Variants in TRIM33 observed in about 807,000 individuals in gnomAD.
TRIM33 encodes the protein E3 ubiquitin-protein ligase TRIM33.
TRIM33 carries 20 observed loss-of-function variants against 125.4 expected under a neutral mutation model. That is an observed-to-expected ratio of 0.16 (90% CI 0.11 to 0.23). The LOEUF (loss-of-function observed/expected upper bound fraction) is 0.23. TRIM33 is among the 10% of genes least tolerant of loss of function. The pLI is 1.00. For missense variants in TRIM33, 920 were observed against 1,411.4 expected, an observed-to-expected ratio of 0.65 and a Z score of 5.58; for synonymous variants, 564 against 513.9, an observed-to-expected ratio of 1.10 and a Z score of -1.32.
chr1:114,492,360 T>A lies in TRIM33; in HGVS notation c.526+18191A>T, dbSNP rs1006096777. On this transcript the variant is annotated intron_variant, in intron 1 of 19. Coordinates refer to ENST00000358465, the MANE Select transcript of TRIM33 (RefSeq NM_015906.4). ...TTTATTGTGGTATATACATATAACA[T>A]AAAATTTGCCATTTGAACTATTATG... Among the ~76,000 whole-genome samples the A allele has an allele frequency of 6.6e-5, 10 of 152,338 alleles. No individual in the cohort carries two copies. In the South Asian group the frequency reaches 1.7e-3, roughly 25 times the overall value.
At chr1:114,503,650 C>G (rs1652834194) in intron 1 of TRIM33, among the ~76,000 whole-genome samples, 2 of 152,194 alleles carry the variant, frequency 1.3e-5, no homozygotes, top group Admixed American at 1.3e-4. Context: ...CCACCAATCT[C>G]TTCAGGAAAG....
intron 1 of TRIM33, among the ~76,000 whole-genome samples, chr1:114,507,434 G>A (rs1413328656): frequency 1.3e-5 from 2 of 152,228 alleles, no homozygotes; most frequent in African/African-American, 4.8e-5. Flanking sequence ...CAGTTAGGCA[G>A]GAGGGCATTA....
At chr1:114,488,744 C>T (rs1261770272) in intron 1 of TRIM33, among the ~76,000 whole-genome samples, 1 of 152,134 alleles carries the variant, frequency 6.6e-6, no homozygotes, top group African/African-American at 2.4e-5. Context: ...ACCTGGGCAA[C>T]AGAGCAAGAT....
chr1:114,422,573 TCCTC>T (rs1647270850), intron 10 of TRIM33, among the ~76,000 whole-genome samples: 1 of 151,900 alleles, frequency 6.6e-6, no homozygotes, highest in African/African-American at 2.4e-5. Context: ...CAACTGCCCT[TCCTC>T]CATCCTTGAC....
chr1:114,424,208 T>TA (rs1647400727), intron 10 of TRIM33, among the ~76,000 whole-genome samples: 1 of 152,112 alleles, frequency 6.6e-6, no homozygotes, highest in South Asian at 2.1e-4. Flanking sequence ...GCCCTTTTTA[T>TA]ATATTAGGAT....
At chr1:114,423,433 T>C (rs1647332572) in intron 10 of TRIM33, among the ~76,000 whole-genome samples, 1 of 152,148 alleles carries the variant, frequency 6.6e-6, no homozygotes. Flanking sequence ...ATGCAAAGGT[T>C]TTTTTAACTT....
chr1:114,509,527 T>TA (rs1257741930), intron 1 of TRIM33, among the ~76,000 whole-genome samples: 1 of 152,218 alleles, frequency 6.6e-6, no homozygotes, highest in Non-Finnish European at 1.5e-5. Flanking sequence ...CCCAAGAGTT[T>TA]AAGAGACTGT....
intron 1 of TRIM33, among the ~76,000 whole-genome samples, chr1:114,496,674 GAGA>G (rs1259071990): frequency 1.3e-5 from 2 of 152,106 alleles, no homozygotes; most frequent in Non-Finnish European, 1.5e-5. Flanking sequence ...GTCTACCAAT[GAGA>G]AGAATAAAAT....
chr1:114,414,109 C>A (rs374571441), intron 11 of TRIM33, among the ~76,000 whole-genome samples: 16 of 150,644 alleles, frequency 1.1e-4, no homozygotes, highest in African/African-American at 3.7e-4. Context: ...AGGGAAAAAT[C>A]TGAAAGGATG....
intron 1 of TRIM33, among the ~76,000 whole-genome samples, chr1:114,492,744 G>A (rs1481283680): frequency 1.3e-5 from 2 of 152,062 alleles, no homozygotes; most frequent in East Asian, 1.9e-4. Flanking sequence ...AGCATGTATC[G>A]GAAATTCATT....
At chr1:114,493,069 G>T (rs770163050) in intron 1 of TRIM33, among the ~76,000 whole-genome samples, 6 of 152,136 alleles carry the variant, frequency 3.9e-5, no homozygotes, top group Non-Finnish European at 7.4e-5. Context: ...CCAACACTTT[G>T]TTGTTTTTTA....
At position 114,397,541 on chromosome 1, in the gene TRIM33, G is replaced by T; in HGVS notation, c.*107C>A. 1.3e-6 allele frequency: 1 copy of T among 771,240 alleles called. No individual in the cohort carries two copies. Among genetic ancestry groups the T allele is most frequent in the Non-Finnish European group, 2.1e-6 (1 of 483,686 alleles). The allele number at this position is 771,240 out of a possible 1,614,324, so 47.8% of individuals were successfully genotyped here. On this transcript the variant is annotated 3_prime_UTR_variant, in exon 20 of 20. Coordinates refer to ENST00000358465, the MANE Select transcript of TRIM33 (RefSeq NM_015906.4). ...CAGCTTCTTCAAGGAGGTGCCCACT[G>T]TAGGCAGGATATTCCAGCAACACTT...
intron 1 of TRIM33, among the ~76,000 whole-genome samples, chr1:114,503,506 A>G (rs1652826855): frequency 6.6e-6 from 1 of 152,164 alleles, no homozygotes; most frequent in South Asian, 2.1e-4. Flanking sequence ...AATAAAATAC[A>G]ATCTATTTAT....
intron 12 of TRIM33, among the ~76,000 whole-genome samples, chr1:114,409,940 A>G (rs1652474060): frequency 6.6e-6 from 1 of 152,062 alleles, no homozygotes; most frequent in Admixed American, 6.5e-5. Context: ...TCATGCCCCA[A>G]AGAAGAAATT....
At chr1:114,506,955 A>C (rs1454746850) in intron 1 of TRIM33, among the ~76,000 whole-genome samples, 1 of 152,234 alleles carries the variant, frequency 6.6e-6, no homozygotes, top group Non-Finnish European at 1.5e-5. Context: ...GTCTCTGAAG[A>C]AACTCCCAAG....
At chr1:114,427,361 A>G in intron 7 of TRIM33, 67 bp from the exon 8 acceptor site, 3 of 871,612 alleles carry the variant, frequency 3.4e-6, no homozygotes, top group Non-Finnish European at 5.5e-6. Context: ...TAAGATAAAG[A>G]CATTAAGAAA....
At chr1:114,504,962 A>C (rs1190477011) in intron 1 of TRIM33, among the ~76,000 whole-genome samples, 3 of 152,186 alleles carry the variant, frequency 2.0e-5, no homozygotes, top group African/African-American at 4.8e-5. Context: ...ACGGGGGGAC[A>C]AATGAAAAAT....
At position 114,430,662 on chromosome 1, in the gene TRIM33, A is replaced by T. The variant is rs947325781; in HGVS notation, c.1155+136T>A. ...CTAGAAAAGGTCTCTTCCAAAAGTAAATTTTAAAAACCTTATTTTACGTTT... is the reference window on the plus strand; with the variant it reads ...CTAGAAAAGGTCTCTTCCAAAAGTATATTTTAAAAACCTTATTTTACGTTT... On this transcript the variant is annotated intron_variant, in intron 6 of 19. Transcript: ENST00000358465. 12 of 633,564 alleles carry T rather than the reference A, an allele frequency of 1.9e-5. No individual in the cohort carries two copies. The African/African-American group carries it at 2.2e-4, about 12-fold the overall frequency. The allele number at this position is 633,564 out of a possible 1,614,324, so 39.2% of individuals were successfully genotyped here. A position where few individuals can be genotyped will look rare whatever the true frequency, so the allele number is the denominator to read the frequency against.
chr1:114,495,466 A>G (rs973860214), intron 1 of TRIM33, among the ~76,000 whole-genome samples: 1 of 152,228 alleles, frequency 6.6e-6, no homozygotes, highest in Non-Finnish European at 1.5e-5. Flanking sequence ...GCAAAATAGA[A>G]TGAGTCTTCC....
Sources: allele counts gnomAD v4.1 joint callset (sites outside exome capture counted in the v4.1 genomes callset), GRCh38; gene constraint gnomAD v4.1.1; transcripts MANE v1.5; gene names NCBI Gene and HGNC (gene_info 2026-07-23, HGNC 2026-07-21).